The following SDF4 variants were observed in gnomAD, a reference collection of about 807,000 sequenced individuals.
SDF4 encodes stromal cell derived factor 4.
A neutral mutation model predicts 34.2 loss-of-function variants in SDF4; 22 were observed. The observed-to-expected ratio is 0.64, with a 90% confidence interval of 0.46 to 0.92. SDF4 has a LOEUF of 0.92. Among genes scored for constraint, SDF4 ranks in the 40% least tolerant of loss-of-function variants. SDF4 has a pLI of 0.00. For synonymous variants in SDF4, 236 were observed against 203.1 expected (o/e 1.16, Z -1.38); for missense variants, 447 against 499.9 (o/e 0.89, Z 1.01).
chr1:1,229,999 C>T (rs1638443525), intron 1 of SDF4, among the ~76,000 whole-genome samples: 2 of 152,270 alleles, frequency 1.3e-5, no homozygotes, highest in Non-Finnish European at 2.9e-5. Flanking sequence ...AGAAGTCTGT[C>T]CTGCCGTCCG....
In SDF4 at chr1:1,217,523, C is replaced by T. The variant is rs779154302; in HGVS notation, c.1057G>A (p.Glu353Lys). 13 of 1,604,912 alleles carry T rather than the reference C, an allele frequency of 8.1e-6. No individual in the cohort carries two copies. Among genetic ancestry groups the T allele is most frequent in the African/African-American group, 2.7e-5 (2 of 74,652 alleles). The part of the protein sequence containing the change: ...KLVDYARSVH[E>K]EF The stretch of plus-strand genomic sequence containing the variant: ...GCGCGGCCGGGCGCTCAAAACTCCT[C>T]GTGCACGCTGCGCGCGTAGTCCACC... Residue 353 changes from glutamate (E) to lysine (K), a missense_variant, in exon 7 of 7, where the codon GAG (glutamate) becomes AAG (lysine). Glu to Lys is a moderately conservative substitution (Grantham distance 56). Transcript: ENST00000360001. This position sits in a 1 kb window ranked among gnomAD's most constrained non-coding sequence, Gnocchi z 8.5.
intron 1 of SDF4, among the ~76,000 whole-genome samples, chr1:1,230,358 C>A (rs1343979598): frequency 6.6e-6 from 1 of 152,160 alleles, no homozygotes; most frequent in Non-Finnish European, 1.5e-5. Flanking sequence ...AGTGGGGCCG[C>A]CATGAAAGTG....
At chr1:1,225,665 C>T (rs982977696) in intron 2 of SDF4, among the ~76,000 whole-genome samples, 5 of 152,088 alleles carry the variant, frequency 3.3e-5, no homozygotes, top group East Asian at 1.9e-4. Flanking sequence ...CGTGCATCCT[C>T]GAATGCTCCG....
intron 1 of SDF4, 87 bp from the exon 2 acceptor site, chr1:1,229,033 G>A (rs1304573879): frequency 3.6e-6 from 2 of 550,550 alleles, no homozygotes; most frequent in Non-Finnish European, 6.5e-6. Flanking sequence ...ACATATCCTC[G>A]ATTCACAGGA....
At chr1:1,224,469 A>G (rs1277216732) in intron 2 of SDF4, among the ~76,000 whole-genome samples, 1 of 152,312 alleles carries the variant, frequency 6.6e-6, no homozygotes, top group East Asian at 1.9e-4. Flanking sequence ...TAACAGAAAT[A>G]CGGTTTCACC....
At chr1:1,227,731 A>AC (rs1255661767) in intron 2 of SDF4, among the ~76,000 whole-genome samples, 1 of 152,168 alleles carries the variant, frequency 6.6e-6, no homozygotes, top group Non-Finnish European at 1.5e-5. Flanking sequence ...CCCGTGCAGG[A>AC]CCTGGCTCCT....
intron 1 of SDF4, among the ~76,000 whole-genome samples, chr1:1,231,185 T>C (rs1638482192): frequency 6.6e-6 from 1 of 152,240 alleles, no homozygotes; most frequent in Non-Finnish European, 1.5e-5. Context: ...GAGTATCTAT[T>C]CATCACGGTG....
intron 4 of SDF4, 141 bp from the exon 5 acceptor site, chr1:1,219,068 C>T (rs1232167999): frequency 1.3e-6 from 2 of 1,568,242 alleles, no homozygotes; most frequent in Non-Finnish European, 8.6e-7. Context: ...TTCACACGTC[C>T]CCAGAACATG....
intron 4 of SDF4, 150 bp downstream of exon 4, chr1:1,223,094 A>G (rs1650066439): frequency 1.6e-6 from 1 of 640,872 alleles, no homozygotes; most frequent in Non-Finnish European, 2.8e-6. Flanking sequence ...CGCACAGCAC[A>G]CTCGTACACA....
chr1:1,218,979 A>T lies in SDF4; in HGVS notation c.557-52T>A. ...CGAGGCCGACAGACGCCAGCACGCA[A>T]ATCCAGAAAGTTCCGAGAGGTGCTG... On this transcript the variant is annotated intron_variant, in intron 4 of 6. Coordinates refer to ENST00000360001, the MANE Select transcript of SDF4 (RefSeq NM_016176.6). The surrounding 1 kb of genome is among the most constrained non-coding windows in gnomAD (Gnocchi z 7.9). 1 of 1,612,508 alleles carries T rather than the reference A, an allele frequency of 6.2e-7. No individual in the cohort carries two copies. Among genetic ancestry groups the T allele is most frequent in the Non-Finnish European group, 8.5e-7 (1 of 1,179,816 alleles).
rs117830667 is a variant in SDF4, at chr1:1,218,484, C to T, written c.865G>A (p.Gly289Ser). ...FEELIDSNHD[G>S]IVTAEELESY... ...TCCAGCTCCTCGGCGGTCACGATGC[C>T]GTCGTGGTTGGAGTCAATGAGCTCC... Residue 289 changes from glycine to serine, a missense_variant, in exon 6 of 7, where the codon GGC becomes AGC. Transcript: ENST00000360001. The surrounding 1 kb of genome is among the most constrained non-coding windows in gnomAD (Gnocchi z 7.9). The T allele has an allele frequency of 2.6e-5, 42 of 1,613,124 alleles. No individual in the cohort carries two copies. In the East Asian group the frequency reaches 7.8e-4, roughly 30 times the overall value.
At chr1:1,229,922 G>A (rs968268644) in intron 1 of SDF4, among the ~76,000 whole-genome samples, 4 of 151,262 alleles carry the variant, frequency 2.6e-5, no homozygotes, top group African/African-American at 7.3e-5. Context: ...CCACACTCAC[G>A]CATGCACGTA....
Position 1,218,295 on chromosome 1 carries a change from C to G in SDF4, c.891+163G>C, listed in dbSNP as rs1484408722. Among the ~76,000 whole-genome samples, 1 of 152,206 alleles carries G rather than the reference C, an allele frequency of 6.6e-6. No homozygotes were observed. Among genetic ancestry groups the G allele is most frequent in the Non-Finnish European group, 1.5e-5 (1 of 68,038 alleles). ...AACCTAAACGCCAACAACGGCCATGCAGCCTGGTGGACACCGCTGAGCAAA... is the reference window on the plus strand; with the variant it reads ...AACCTAAACGCCAACAACGGCCATGGAGCCTGGTGGACACCGCTGAGCAAA... On this transcript the variant is annotated intron_variant, in intron 6 of 6. Coordinates refer to ENST00000360001, the MANE Select transcript of SDF4 (RefSeq NM_016176.6). This position sits in a 1 kb window ranked among gnomAD's most constrained non-coding sequence, Gnocchi z 7.9.
Position 1,223,272 on chromosome 1 carries a change from G to T in SDF4, c.528C>A (p.Leu176=), listed in dbSNP as rs201463924. The T allele has an allele frequency of 6.2e-7, 1 of 1,614,024 alleles. No individual in the cohort carries two copies. ...SEKEVADAIR[L]NEELKVDEET... Reference sequence around the variant, plus strand: ...CCTCATCCACTTTGAGTTCCTCGTTGAGCCTGATGGCGTCGGCAACCTCCT... The same window carrying T: ...CCTCATCCACTTTGAGTTCCTCGTTTAGCCTGATGGCGTCGGCAACCTCCT... Residue 176 remains leucine, a synonymous_variant, in exon 4 of 7, where the codon CTC becomes CTA. Coordinates refer to ENST00000360001, the MANE Select transcript of SDF4 (RefSeq NM_016176.6).
intron 4 of SDF4, chr1:1,221,043 C>A: frequency 3.0e-6 from 1 of 336,510 alleles, no homozygotes; most frequent in Non-Finnish European, 5.9e-6. Context: ...TCCCTTTAGC[C>A]CAGGACTTTG....
rs1557517777 is a variant in SDF4, at chr1:1,223,278, G to C, written c.522C>G (p.Ile174Met). 3.7e-6 allele frequency: 6 copies of C among 1,614,078 alleles called. No homozygotes were observed. The South Asian group carries it at 6.6e-5, about 18-fold the overall frequency. Residue 174 changes from isoleucine to methionine, a missense_variant, in exon 4 of 7, where the codon ATC (isoleucine) becomes ATG (methionine). Coordinates refer to ENST00000360001, the MANE Select transcript of SDF4 (RefSeq NM_016176.6). ...GHSEKEVADAIRLNEELKVDE... is the reference protein window; with the variant it reads ...GHSEKEVADAMRLNEELKVDE... ...CCACTTTGAGTTCCTCGTTGAGCCT[G>C]ATGGCGTCGGCAACCTCCTTCTCGC...
chr1:1,231,414 A>G (rs572931733), intron 1 of SDF4, among the ~76,000 whole-genome samples: 5 of 152,346 alleles, frequency 3.3e-5, no homozygotes, highest in African/African-American at 1.2e-4. Flanking sequence ...ACACGGTTAG[A>G]TTCTAAAAGC....
At chr1:1,219,745 C>T (rs1424509079) in intron 4 of SDF4, 2 of 986,154 alleles carry the variant, frequency 2.0e-6, no homozygotes, top group East Asian at 1.1e-4. Context: ...CCACCTCCTG[C>T]CCCATCTTGG....
At chr1:1,223,090 GCA>G (rs1650066163) in intron 4 of SDF4, 152 bp downstream of exon 4, 6 of 632,624 alleles carry the variant, frequency 9.5e-6, no homozygotes, top group South Asian at 3.6e-5. Context: ...CACGCGCACA[GCA>G]CACTCGTACA....
Sources: allele counts gnomAD v4.1 joint callset (sites outside exome capture counted in the v4.1 genomes callset), GRCh38; gene constraint gnomAD v4.1.1; non-coding constraint Gnocchi (gnomAD v3.1); transcripts MANE v1.5; gene names NCBI Gene and HGNC (gene_info 2026-07-23, HGNC 2026-07-21).